DNM3: variants seen among roughly 807,000 people sequenced by gnomAD.
DNM3 encodes dynamin 3, also known as dynamin-3.
DNM3 carries 47 observed loss-of-function variants against 101.6 expected under a neutral mutation model. The observed-to-expected ratio is 0.46, with a 90% CI of 0.37 to 0.59. The LOEUF is 0.59. Ranked by LOEUF, DNM3 falls within the 20% of genes least tolerant of loss-of-function variation. DNM3 has a pLI of 0.00. For synonymous variants in DNM3, 385 were observed against 387.9 expected, an observed-to-expected ratio of 0.99 and a Z score of 0.09; for missense variants, 849 against 1,085.7, an observed-to-expected ratio of 0.78 and a Z score of 3.06.
chr1:172,368,688 A>G (rs1016710690), intron 17 of DNM3, among the ~76,000 whole-genome samples: 3 of 151,966 alleles, frequency 2.0e-5, no homozygotes, highest in South Asian at 4.1e-4. Context: ...TGGTTTTCTG[A>G]AAAGATAAAC....
At chr1:171,917,784 A>T (rs1356674215) in intron 1 of DNM3, among the ~76,000 whole-genome samples, 1 of 152,224 alleles carries the variant, frequency 6.6e-6, no homozygotes, top group Non-Finnish European at 1.5e-5. Flanking sequence ...AAATAAATTT[A>T]AAAATATGTA....
chr1:172,346,029 A>G (rs1476365782), intron 17 of DNM3, among the ~76,000 whole-genome samples: 1 of 150,054 alleles, frequency 6.7e-6, no homozygotes, highest in African/African-American at 2.5e-5. Context: ...AGGCTGAGGC[A>G]GGAGAATGGC....
chr1:171,981,717 C>T (rs1451998111), intron 2 of DNM3, among the ~76,000 whole-genome samples: 3 of 152,110 alleles, frequency 2.0e-5, no homozygotes, highest in Non-Finnish European at 4.4e-5. Flanking sequence ...TGTATCTTAA[C>T]CTTTGCTTCA....
intron 17 of DNM3, among the ~76,000 whole-genome samples, chr1:172,328,875 T>C (rs2066058678): frequency 6.6e-6 from 1 of 152,144 alleles, no homozygotes; most frequent in South Asian, 2.1e-4. Flanking sequence ...AGACAGGGTC[T>C]CGCTAAGTTT....
At chr1:172,386,469 A>T (rs2069186582) in intron 18 of DNM3, among the ~76,000 whole-genome samples, 1 of 152,118 alleles carries the variant, frequency 6.6e-6, no homozygotes, top group Non-Finnish European at 1.5e-5. Flanking sequence ...ATATTAGCTA[A>T]CTATGCAACC....
intron 14 of DNM3, among the ~76,000 whole-genome samples, chr1:172,244,833 G>A (rs2061889675): frequency 6.6e-6 from 1 of 152,164 alleles, no homozygotes; most frequent in African/African-American, 2.4e-5. Flanking sequence ...AATACCATTT[G>A]ACCCAACCAT....
At position 172,387,492 on chromosome 1, in the gene DNM3, C is replaced by T. The variant is rs574879958; in HGVS notation, c.2285+133C>T. 8 of 743,672 alleles carry T rather than the reference C, an allele frequency of 1.1e-5. No homozygotes were observed. The African/African-American group carries it at 1.4e-4, about 13-fold the overall frequency. The allele number at this position is 743,672 out of a possible 1,614,324, so 46.1% of individuals were successfully genotyped here. Reference sequence around the variant, plus strand: ...CGAACATAGTGAAACCCTGTCTCTACTAAAAACATAAAAAAAATTAGCCGG... The same window carrying T: ...CGAACATAGTGAAACCCTGTCTCTATTAAAAACATAAAAAAAATTAGCCGG... On this transcript the variant is annotated intron_variant, in intron 19 of 20. Coordinates refer to ENST00000627582, the MANE Select transcript of DNM3 (RefSeq NM_015569.5).
chr1:171,858,390 A>G (rs2033829327), intron 1 of DNM3, among the ~76,000 whole-genome samples: 1 of 152,038 alleles, frequency 6.6e-6, no homozygotes, highest in African/African-American at 2.4e-5. Context: ...TGAGTCTCCC[A>G]TCTCAACCTT....
At chr1:172,179,152 C>T (rs1395375792) in intron 14 of DNM3, among the ~76,000 whole-genome samples, 3 of 152,028 alleles carry the variant, frequency 2.0e-5, no homozygotes, top group Middle Eastern at 3.4e-3. Flanking sequence ...CCTGCCTGGA[C>T]TAGAATCCAA....
intron 15 of DNM3, 32 bp downstream of exon 15, chr1:172,253,714 T>A (rs1275410076): frequency 6.9e-7 from 1 of 1,449,864 alleles, no homozygotes; most frequent in East Asian, 2.5e-5. Context: ...TGTCTTCAGA[T>A]TTTTTTCCTT....
chr1:172,334,912 A>G (rs1383257150), intron 17 of DNM3, among the ~76,000 whole-genome samples: 2 of 152,158 alleles, frequency 1.3e-5, no homozygotes, highest in Non-Finnish European at 2.9e-5. Context: ...TGCTTCCTCT[A>G]AAAGCCTGTT....
At chr1:171,856,716 C>T (rs75463060) in intron 1 of DNM3, among the ~76,000 whole-genome samples, 4,298 of 152,198 alleles carry the variant, frequency 0.028, 108 homozygotes, top group East Asian at 0.11. Context: ...TTTTTGTACA[C>T]GGATTTTTCT....
intron 13 of DNM3, among the ~76,000 whole-genome samples, chr1:172,093,897 T>C (rs2054080796): frequency 6.6e-6 from 1 of 152,084 alleles, no homozygotes; most frequent in Non-Finnish European, 1.5e-5. Context: ...TTAAGAGGGT[T>C]CATCCCTTCA....
At chr1:171,972,173 G>A (rs2044041520) in intron 2 of DNM3, among the ~76,000 whole-genome samples, 1 of 152,200 alleles carries the variant, frequency 6.6e-6, no homozygotes, top group African/African-American at 2.4e-5. Flanking sequence ...CACTTTCTTT[G>A]TAGCACTGGA....
intron 17 of DNM3, among the ~76,000 whole-genome samples, chr1:172,348,671 G>C (rs1023338549): frequency 3.3e-5 from 5 of 152,090 alleles, no homozygotes; most frequent in Admixed American, 3.3e-4. Flanking sequence ...CCTAACATAT[G>C]AAAAATTTGG....
chr1:172,093,532 G>T (rs2054051722), intron 13 of DNM3, among the ~76,000 whole-genome samples: 1 of 152,120 alleles, frequency 6.6e-6, no homozygotes. Context: ...AACAATGATG[G>T]TGTTATAGTT....
intron 15 of DNM3, among the ~76,000 whole-genome samples, chr1:172,273,310 C>G (rs2063153923): frequency 6.6e-6 from 1 of 151,898 alleles, no homozygotes; most frequent in South Asian, 2.1e-4. Context: ...TCAAATCTCC[C>G]TTTTTTAAGC....
chr1:172,127,333 C>T (rs2056686163), intron 13 of DNM3, among the ~76,000 whole-genome samples: 1 of 151,620 alleles, frequency 6.6e-6, no homozygotes, highest in East Asian at 1.9e-4. Flanking sequence ...TTATCCACTC[C>T]TATCTTTGTC....
At chr1:171,952,214 G>A (rs1377334285) in intron 2 of DNM3, among the ~76,000 whole-genome samples, 7 of 152,152 alleles carry the variant, frequency 4.6e-5, no homozygotes, top group Non-Finnish European at 1.5e-5. Context: ...TTAAACCTGG[G>A]AAAAGCCTGG....
Sources: gnomAD v4.1 joint callset for allele counts (sites outside exome capture counted in the v4.1 genomes callset) on GRCh38, gnomAD v4.1.1 for gene constraint, MANE v1.5 for transcripts, NCBI Gene and HGNC (gene_info 2026-07-23, HGNC 2026-07-21) for gene names.